Variants in ADCY3 observed in about 807,000 individuals in gnomAD.
ADCY3 encodes adenylate cyclase 3.
ADCY3 carries 70 observed loss-of-function variants against 119.4 expected under a neutral mutation model. The observed-to-expected ratio is 0.59, with a 90% CI of 0.48 to 0.72. ADCY3 has a LOEUF of 0.72. Among genes scored for constraint, ADCY3 ranks in the 30% least tolerant of loss-of-function variants. ADCY3 has a pLI of 0.00. For missense variants in ADCY3, 1,238 were observed against 1,541.6 expected, an observed-to-expected ratio of 0.80 and a Z score of 3.30; for synonymous variants, 672 against 621.4, an observed-to-expected ratio of 1.08 and a Z score of -1.21.
chr2:24,912,365 TG>T (rs1188633711), intron 2 of ADCY3, among the ~76,000 whole-genome samples: 2 of 150,976 alleles, frequency 1.3e-5, no homozygotes, highest in Admixed American at 1.3e-4. Flanking sequence ...TGTAATTTGG[TG>T]GGGGGGCAGC....
At chr2:24,887,985 TGA>T (rs1055586336) in intron 2 of ADCY3, among the ~76,000 whole-genome samples, 43 of 152,250 alleles carry the variant, frequency 2.8e-4, no homozygotes, top group African/African-American at 1.0e-3. Flanking sequence ...TCTGCTTGAG[TGA>T]GTCAAGGTCA....
chr2:24,861,250 CA>C (rs67641689), intron 3 of ADCY3, among the ~76,000 whole-genome samples: 50,731 of 113,086 alleles, frequency 0.45, 10,407 homozygotes, highest in East Asian at 0.59. Flanking sequence ...GACTCCATCT[CA>C]AAAAAAAAAA....
At chr2:24,823,143 A>T (rs565484898) in intron 18 of ADCY3, 66 bp downstream of exon 18, 1 of 1,555,116 alleles carries the variant, frequency 6.4e-7, no homozygotes, top group African/African-American at 1.4e-5. Context: ...TCTGCAGCCT[A>T]TTGTAGGATG....
At chr2:24,897,046 T>A (rs1364807216) in intron 2 of ADCY3, among the ~76,000 whole-genome samples, 1 of 152,140 alleles carries the variant, frequency 6.6e-6, no homozygotes, top group Non-Finnish European at 1.5e-5. Context: ...GCTGTCCTGC[T>A]CACTCTCGAC....
At chr2:24,838,201 C>T (rs1670540176) in intron 8 of ADCY3, among the ~76,000 whole-genome samples, 1 of 152,046 alleles carries the variant, frequency 6.6e-6, no homozygotes, top group Admixed American at 6.6e-5. Context: ...CGGCCCCCTC[C>T]TGGATGTGGT....
rs1419742532 is a variant in ADCY3 at position 24,899,100 on chromosome 2, T to C, written c.675+19213A>G. Among the ~76,000 whole-genome samples, 1 of 151,964 alleles carries C rather than the reference T, an allele frequency of 6.6e-6. No individual in the cohort carries two copies. The highest frequency in any genetic ancestry group is 1.9e-4 in the East Asian group (1 of 5,160). On this transcript the variant is annotated intron_variant, in intron 2 of 21. Coordinates refer to ENST00000679454, the MANE Select transcript of ADCY3 (RefSeq NM_004036.5). This position sits in a 1 kb window ranked among gnomAD's most constrained non-coding sequence, Gnocchi z 4.5. ...CTCCCACCTTTTCCCAGCTCACCTG[T>C]CTCTACCTCTGCTCCCTAGGCAGAG...
In ADCY3 at chr2:24,829,513, C is replaced by T. The variant is rs1166606567; in HGVS notation, c.2172+1196G>A. On this transcript the variant is annotated intron_variant, in intron 13 of 21. Transcript: ENST00000679454. ...TCGGCTCACTGCAAGCTCCACCTCC[C>T]GGGTTCACGCCATTCTCCTGCCTCA... 2.7e-4 allele frequency among the ~76,000 whole-genome samples: 39 copies of T among 145,082 alleles called. No individual in the cohort carries two copies. In the Middle Eastern group the frequency reaches 0.017, roughly 62 times the overall value.
At chr2:24,863,574 T>C (rs757081350) in intron 3 of ADCY3, among the ~76,000 whole-genome samples, 1 of 152,208 alleles carries the variant, frequency 6.6e-6, no homozygotes, top group African/African-American at 2.4e-5. Flanking sequence ...ATTTTAGAGA[T>C]GGAGGTCTCA....
In ADCY3 at chr2:24,841,305, C is replaced by T; in HGVS notation, c.1150G>A (p.Ala384Thr). The change falls in exon 6 of 22, where the codon GCC becomes ACC. Residue 384 changes from alanine (A) to threonine (T), a missense_variant. Around this residue, in one of 7 missense-constraint regions of ADCY3, gnomAD observed 283 missense variants for 437.2 expected, o/e 0.65. Transcript: ENST00000679454. The surrounding 1 kb of genome is among the most constrained non-coding windows in gnomAD (Gnocchi z 5.8). ...AGCCCCATGAGGATGGAGCAGACGG[C>T]GTGGTCCTCCCGGTAGTCGGGCAAG... is the stretch of plus-strand genomic sequence containing the variant. ...CGLPDYREDHAVCSILMGLAM... is the reference protein window; with the variant it reads ...CGLPDYREDHTVCSILMGLAM... 1.9e-6 allele frequency: 3 copies of T among 1,579,640 alleles called. No homozygotes were observed. The highest frequency in any genetic ancestry group is 2.6e-6 in the Non-Finnish European group (3 of 1,163,240).
intron 3 of ADCY3, among the ~76,000 whole-genome samples, chr2:24,859,020 G>C (rs1358445648): frequency 6.6e-6 from 1 of 152,260 alleles, no homozygotes; most frequent in Non-Finnish European, 1.5e-5. Flanking sequence ...GGAACCAACA[G>C]AAGGACCAGT....
intron 2 of ADCY3, among the ~76,000 whole-genome samples, chr2:24,884,835 T>C (rs17738465): frequency 0.077 from 9,008 of 117,220 alleles, 359 homozygotes; most frequent in Non-Finnish European, 0.1. Flanking sequence ...TAGGTACCCT[T>C]TTACCATCTT....
intron 2 of ADCY3, among the ~76,000 whole-genome samples, chr2:24,904,233 C>T (rs1016645692): frequency 1.3e-5 from 2 of 152,162 alleles, no homozygotes; most frequent in Non-Finnish European, 2.9e-5. Context: ...CAAAAGTACA[C>T]TATTCCACTA....
In ADCY3 at chr2:24,820,856, A is replaced by G; in HGVS notation, c.3128-8T>C. ...CCCCGCCTTTGTTCATGCCTAGGGT[A>G]GAGGCATAAAGTTCAGCACAGCCAC... On this transcript the variant is annotated splice_polypyrimidine_tract_variant and splice_region_variant and intron_variant, in intron 20 of 21. Coordinates refer to ENST00000679454, the MANE Select transcript of ADCY3 (RefSeq NM_004036.5). 6 of 1,613,556 alleles carry G rather than the reference A, an allele frequency of 3.7e-6. No individual in the cohort carries two copies. The highest frequency in any genetic ancestry group is 5.1e-6 in the Non-Finnish European group (6 of 1,179,652).
chr2:24,844,941 A>G (rs1020031627), intron 3 of ADCY3, among the ~76,000 whole-genome samples: 4 of 152,096 alleles, frequency 2.6e-5, no homozygotes, highest in Non-Finnish European at 5.9e-5. Context: ...TTTCTGTGCT[A>G]TTCTTGTGAT....
rs1167164224 is a variant in ADCY3, at chr2:24,831,670, A to G, written c.2047T>C (p.Phe683Leu). 4 of 1,613,942 alleles carry G rather than the reference A, an allele frequency of 2.5e-6. No individual in the cohort carries two copies. The highest frequency in any genetic ancestry group is 1.7e-5 in the Admixed American group (1 of 60,024). The change falls in exon 12 of 22, where the codon TTT becomes CTT. Residue 683 changes from phenylalanine (F) to leucine (L), a missense_variant. Physicochemically the swap from Phe to Leu is conservative, Grantham distance 22 (BLOSUM62 0). Transcript: ENST00000679454. ...AGAAAAGTGCCTCTTACCCGGGGAA[A>G]GATGGCAGCCAGGGAGCAGATGGTC... is the stretch of plus-strand genomic sequence containing the variant. ...ILTICSLAAI[F>L]PRAFPKKLVA... is the part of the protein sequence containing the mutation.
Position 24,919,566 on chromosome 2 carries a change from T to C in ADCY3, c.-198+117A>G, listed in dbSNP as rs1664868640. 6.6e-6 allele frequency: 1 copy of C among 152,570 alleles called. No homozygotes were observed. The highest frequency in any genetic ancestry group is 6.5e-5 in the Admixed American group (1 of 15,306). 9.5% of individuals were successfully genotyped at this position (152,570 alleles called of 1,614,324 possible). On this transcript the variant is annotated intron_variant, in intron 1 of 21. Coordinates refer to ENST00000679454, the MANE Select transcript of ADCY3 (RefSeq NM_004036.5). The surrounding 1 kb of genome is among the most constrained non-coding windows in gnomAD (Gnocchi z 5.5). ...TCGTGGGGGATTCCTGAGCCTTCCT[T>C]CTGTTTACTTCCTTTTTCCACCAAA... is the stretch of plus-strand genomic sequence containing the variant.
intron 2 of ADCY3, among the ~76,000 whole-genome samples, chr2:24,874,761 C>T (rs900759827): frequency 7.2e-5 from 11 of 152,176 alleles, no homozygotes; most frequent in Non-Finnish European, 1.0e-4. Flanking sequence ...ATTGCCCAGC[C>T]GGTGAGGGGC....
chr2:24,823,545 G>A (rs1205376443), intron 17 of ADCY3, among the ~76,000 whole-genome samples, 190 bp from the exon 18 acceptor site: 2 of 148,152 alleles, frequency 1.3e-5, no homozygotes, highest in South Asian at 2.1e-4. Flanking sequence ...AGGCTGGAGT[G>A]CAGTGGCAGT....
intron 3 of ADCY3, among the ~76,000 whole-genome samples, chr2:24,844,749 C>A (rs1391314140): frequency 6.6e-6 from 1 of 152,232 alleles, no homozygotes; most frequent in Non-Finnish European, 1.5e-5. Flanking sequence ...GGGAATCACA[C>A]CATTAGGACA....
Sources: gnomAD v4.1 joint callset for allele counts (sites outside exome capture counted in the v4.1 genomes callset) on GRCh38, gnomAD v4.1.1 for gene constraint, gnomAD v4.1.1 regional missense constraint, Gnocchi (gnomAD v3.1) non-coding constraint, MANE v1.5 for transcripts, NCBI Gene and HGNC (gene_info 2026-07-23, HGNC 2026-07-21) for gene names.